The following NKTR variants were observed in gnomAD, a reference collection of about 807,000 sequenced individuals.
NKTR encodes natural killer cell triggering receptor.
NKTR carries 67 observed loss-of-function variants against 156.3 expected under a neutral mutation model. The observed-to-expected ratio is 0.43, with a 90% CI of 0.35 to 0.53. NKTR has a LOEUF of 0.53. NKTR is among the 20% of genes least tolerant of loss of function. The pLI is 0.01. For missense variants in NKTR, 1,604 were observed against 1,730.9 expected (o/e 0.93, Z 1.30); for synonymous variants, 640 against 596.6 (o/e 1.07, Z -1.06).
chr3:42,639,799 G>A, intron 13 of NKTR, 49 bp downstream of exon 13: 3 of 1,255,948 alleles, frequency 2.4e-6, no homozygotes, highest in Middle Eastern at 1.9e-4. Context: ...GTCTGTTATT[G>A]TTTAGCTTGG....
chr3:42,618,329 G>C (rs969267109), intron 3 of NKTR, among the ~76,000 whole-genome samples: 1 of 149,388 alleles, frequency 6.7e-6, no homozygotes, highest in Non-Finnish European at 1.5e-5. Context: ...CCAGCCTGGG[G>C]GACAAGAGCC....
Position 42,617,580 on chromosome 3 carries a change from T to C in NKTR, c.69T>C (p.Ile23=), listed in dbSNP as rs1390777607. The part of the protein sequence containing the change: ...IEINREPVGR[I]MFQLFSDICP... ...TGTATTTTATTTCAGTTGGTCGCAT[T>C]ATGTTTCAGCTCTTCTCAGACATAT... The change falls in exon 3 of 17, where the codon ATT becomes ATC. Residue 23 remains isoleucine (I), a synonymous_variant. Coordinates refer to ENST00000232978, the MANE Select transcript of NKTR (RefSeq NM_005385.4). 1 of 1,591,502 alleles carries C rather than the reference T, an allele frequency of 6.3e-7. No individual in the cohort carries two copies. The highest frequency in any genetic ancestry group is 1.7e-5 in the Admixed American group (1 of 59,922).
intron 3 of NKTR, among the ~76,000 whole-genome samples, chr3:42,618,290 G>A (rs1707585104): frequency 6.7e-6 from 1 of 149,504 alleles, no homozygotes; most frequent in Non-Finnish European, 1.5e-5. Flanking sequence ...GGCGGAGCTT[G>A]CAATGAGCCA....
At chr3:42,625,847 G>C (rs561342833) in intron 6 of NKTR, among the ~76,000 whole-genome samples, 1 of 152,176 alleles carries the variant, frequency 6.6e-6, no homozygotes, top group South Asian at 2.1e-4. Context: ...TAATGTTTAT[G>C]TGACTTACGT....
chr3:42,606,287 T>C (rs1706225855), intron 2 of NKTR, among the ~76,000 whole-genome samples: 1 of 152,244 alleles, frequency 6.6e-6, no homozygotes, highest in Non-Finnish European at 1.5e-5. Flanking sequence ...TAGTTATTTT[T>C]ATATGTGATT....
chr3:42,632,954 T>G, intron 9 of NKTR, 131 bp downstream of exon 9: 4 of 1,322,144 alleles, frequency 3.0e-6, no homozygotes, highest in Admixed American at 3.7e-5. Context: ...AACTTTAAAT[T>G]GAAATCTGGC....
chr3:42,620,540 A>G (rs890415185), intron 5 of NKTR: 5 of 984,396 alleles, frequency 5.1e-6, no homozygotes, highest in Non-Finnish European at 6.0e-6. Context: ...ATGGATTACT[A>G]CTCTTTTTCA....
chr3:42,603,732 CTTT>C (rs11315714), intron 2 of NKTR, among the ~76,000 whole-genome samples: 6 of 116,660 alleles, frequency 5.1e-5, no homozygotes, highest in South Asian at 5.5e-4. Flanking sequence ...TTTTACACAA[CTTT>C]TTTTTTTTTT....
At chr3:42,629,820 T>G (rs1708729996) in intron 6 of NKTR, 1 of 985,348 alleles carries the variant, frequency 1.0e-6, no homozygotes, top group African/African-American at 1.7e-5. Context: ...CAAGAGTGAC[T>G]GTCTGACAGT....
At chr3:42,633,075 T>G (rs1175497527) in intron 9 of NKTR, 1 of 1,069,324 alleles carries the variant, frequency 9.4e-7, no homozygotes, top group East Asian at 4.4e-5. Flanking sequence ...GGTCTTGCTC[T>G]GTTATCCAGG....
intron 6 of NKTR, among the ~76,000 whole-genome samples, chr3:42,622,650 A>G (rs893667965): frequency 2.0e-5 from 3 of 152,056 alleles, no homozygotes; most frequent in Admixed American, 6.6e-5. Flanking sequence ...AAGACCTACA[A>G]CAGTTGTTCT....
intron 6 of NKTR, chr3:42,628,092 G>A: frequency 5.1e-6 from 5 of 985,386 alleles, no homozygotes; most frequent in Non-Finnish European, 6.0e-6. Context: ...TGGAATGTAG[G>A]TTGAGAACCC....
At chr3:42,618,180 G>A (rs1707567375) in intron 3 of NKTR, among the ~76,000 whole-genome samples, 1 of 151,524 alleles carries the variant, frequency 6.6e-6, no homozygotes, top group East Asian at 2.0e-4. Context: ...GTGAAACCCC[G>A]TCTCTACTAA....
At chr3:42,606,842 T>C (rs1295392226) in intron 2 of NKTR, among the ~76,000 whole-genome samples, 2 of 151,460 alleles carry the variant, frequency 1.3e-5, no homozygotes, top group Non-Finnish European at 2.9e-5. Flanking sequence ...TGAGACACTA[T>C]CCCTAAAAAA....
chr3:42,620,050 G>A, intron 5 of NKTR: 2 of 1,534,420 alleles, frequency 1.3e-6, no homozygotes, highest in Non-Finnish European at 1.7e-6. Context: ...AAAGGTAAGA[G>A]AACGAAGCTC....
Position 42,647,428 on chromosome 3 carries a change from C to T in NKTR, c.*1453C>T, listed in dbSNP as rs1156922252. 2.0e-5 allele frequency: 3 copies of T among 151,990 alleles called. No homozygotes were observed. The highest frequency in any genetic ancestry group is 4.4e-5 in the Non-Finnish European group (3 of 68,020). 9.4% of individuals were successfully genotyped at this position (151,990 alleles called of 1,614,324 possible). A position where few individuals can be genotyped will look rare whatever the true frequency, so the allele number is the denominator to read the frequency against. On this transcript the variant is annotated 3_prime_UTR_variant, in exon 17 of 17. Transcript: ENST00000232978. ...GCCTGATGTAGAGCTCAGCACCACC[C>T]TACCACAGGCCTTGTCTGGTGTATT...
At position 42,605,706 on chromosome 3, in the gene NKTR, C is replaced by T. The variant is rs184265231; in HGVS notation, c.58+4642C>T. 6.0e-3 allele frequency among the ~76,000 whole-genome samples: 908 copies of T among 152,268 alleles called. 11 individuals carry two copies. Among genetic ancestry groups the T allele is most frequent in the African/African-American group, 0.02 (845 of 41,534 alleles). On this transcript the variant is annotated intron_variant, in intron 2 of 16. Transcript: ENST00000232978. Reference sequence around the variant, plus strand: ...CTGAGGGAATAGGAGAAATGCATCTCCGCTCTCAAGGTCACCCTGGGTCAT... The same window carrying T: ...CTGAGGGAATAGGAGAAATGCATCTTCGCTCTCAAGGTCACCCTGGGTCAT...
rs1709729711 is a variant in NKTR at position 42,639,843 on chromosome 3, T to G, written c.4046+93T>G. 4.5e-6 allele frequency: 4 copies of G among 894,962 alleles called. No homozygotes were observed. The South Asian group carries it at 6.7e-5, about 15-fold the overall frequency. 55.4% of individuals were successfully genotyped at this position (894,962 alleles called of 1,614,324 possible). A position where few individuals can be genotyped will look rare whatever the true frequency, so the allele number is the denominator to read the frequency against. On this transcript the variant is annotated intron_variant, in intron 13 of 16. Transcript: ENST00000232978. ...CAGAATTAGGGACAGAATCACTATT[T>G]CCAAATATCTGAAAGGAATAAGAAG...
chr3:42,606,040 C>G (rs1025537563), intron 2 of NKTR, among the ~76,000 whole-genome samples: 4 of 152,052 alleles, frequency 2.6e-5, no homozygotes, highest in Non-Finnish European at 5.9e-5. Flanking sequence ...GATAGCTCTG[C>G]TGCTCTGAGT....
Sources: gnomAD v4.1 joint callset for allele counts (sites outside exome capture counted in the v4.1 genomes callset) on GRCh38, gnomAD v4.1.1 for gene constraint, MANE v1.5 for transcripts, NCBI Gene and HGNC (gene_info 2026-07-23, HGNC 2026-07-21) for gene names.